Variants in NDUFA8 observed in about 807,000 individuals in gnomAD.
The protein encoded by NDUFA8 is NADH:ubiquinone oxidoreductase subunit A8.
A neutral mutation model predicts 20.9 loss-of-function variants in NDUFA8; 16 were observed. The observed-to-expected ratio is 0.77, with a 90% CI of 0.52 to 1.16. The LOEUF (loss-of-function observed/expected upper bound fraction) is 1.16, where lower values mean the gene tolerates loss of function less well. NDUFA8 is among the 50% of genes most tolerant of loss of function. The pLI is 0.00. For synonymous variants in NDUFA8, 70 were observed against 76.1 expected, an observed-to-expected ratio of 0.92 and a Z score of 0.41; for missense variants, 202 against 216.4, an observed-to-expected ratio of 0.93 and a Z score of 0.42.
At chr9:122,156,722 A>C (rs1331137919) in intron 1 of NDUFA8, among the ~76,000 whole-genome samples, 2 of 152,194 alleles carry the variant, frequency 1.3e-5, no homozygotes, top group African/African-American at 4.8e-5. Context: ...CCACGCTGCA[A>C]ATCTGACTTT....
chr9:122,150,252 T>C (rs1828972312), intron 2 of NDUFA8, among the ~76,000 whole-genome samples: 1 of 151,174 alleles, frequency 6.6e-6, no homozygotes, highest in South Asian at 2.1e-4. Context: ...CTACTAAAAA[T>C]ACAAAAAATT....
At chr9:122,149,956 C>CAA (rs1048614349) in intron 2 of NDUFA8, among the ~76,000 whole-genome samples, 1 of 143,538 alleles carries the variant, frequency 7.0e-6, no homozygotes, top group Admixed American at 6.9e-5. Flanking sequence ...GACTCTGTCT[C>CAA]AAAAAAAAAA....
In NDUFA8 at chr9:122,148,215, C is replaced by T. The variant is rs553031819; in HGVS notation, c.278G>A (p.Gly93Asp). The change falls in exon 3 of 4, where the codon GGC (glycine) becomes GAC (aspartate). Residue 93 changes from glycine to aspartate, a missense_variant. Physicochemically the swap from Gly to Asp is moderately conservative, Grantham distance 94. Coordinates refer to ENST00000373768, the MANE Select transcript of NDUFA8 (RefSeq NM_014222.3). ...GCGACAGTGACGAAATAACTGCTGG[C>T]CAGTATAATCAATGCAAGTCCAATA... is the stretch of plus-strand genomic sequence containing the variant. Reference protein sequence around the residue: ...TEYWTCIDYTGQQLFRHCRKQ... With the variant: ...TEYWTCIDYTDQQLFRHCRKQ... 3.1e-6 allele frequency: 5 copies of T among 1,614,130 alleles called. No homozygotes were observed. The African/African-American group carries it at 4.0e-5, about 13-fold the overall frequency.
chr9:122,141,217 T>C (rs1004548618), downstream of NDUFA8, among the ~76,000 whole-genome samples: 2 of 152,094 alleles, frequency 1.3e-5, no homozygotes, highest in Non-Finnish European at 2.9e-5. Context: ...AGGGCCAGGT[T>C]ATGGAGTGTC....
intron 2 of NDUFA8, 97 bp downstream of exon 2, chr9:122,152,148 A>AC (rs1829009469): frequency 7.4e-7 from 1 of 1,359,066 alleles, no homozygotes; most frequent in Admixed American, 1.7e-5. Flanking sequence ...AAGCCTATGT[A>AC]CTTCCTAATA....
the NDUFA8 span, among the ~76,000 whole-genome samples, chr9:122,136,371 A>G: frequency 6.6e-6 from 1 of 152,188 alleles, no homozygotes; most frequent in Non-Finnish European, 1.5e-5. Flanking sequence ...GAGAGTATGC[A>G]CTTTCCCACT....
At chr9:122,141,930 T>C (rs1363725211), downstream of NDUFA8, among the ~76,000 whole-genome samples, 1 of 152,218 alleles carries the variant, frequency 6.6e-6, no homozygotes, top group Non-Finnish European at 1.5e-5. Flanking sequence ...CAAGAACTGC[T>C]GTCCAACTTG....
At chr9:122,149,996 G>T (rs983643135) in intron 2 of NDUFA8, among the ~76,000 whole-genome samples, 4 of 151,874 alleles carry the variant, frequency 2.6e-5, no homozygotes. Flanking sequence ...CACACACACA[G>T]ACTCAATCTC....
chr9:122,134,227 A>G, the NDUFA8 span, among the ~76,000 whole-genome samples: 5 of 152,170 alleles, frequency 3.3e-5, no homozygotes, highest in Admixed American at 2.6e-4. Context: ...CACCTTTTCC[A>G]AATGCCTACT....
chr9:122,152,907 G>A (rs1829026917), intron 1 of NDUFA8, among the ~76,000 whole-genome samples: 1 of 151,958 alleles, frequency 6.6e-6, no homozygotes, highest in Non-Finnish European at 1.5e-5. Context: ...GAGTCTTCTG[G>A]GATGCAGGGA....
downstream of NDUFA8, among the ~76,000 whole-genome samples, chr9:122,139,100 C>T (rs1828784333): frequency 2.0e-5 from 3 of 152,228 alleles, no homozygotes; most frequent in Admixed American, 2.0e-4. Context: ...TATAGATAGG[C>T]TGTGACCTGC....
In NDUFA8 at chr9:122,148,310, T is replaced by C. The variant is rs749318094; in HGVS notation, c.216-33A>G. ...AGAAAGCTGGGTTAGGGGCATCTCT[T>C]TGCAAAACAATGAAAAACAGAAAAG... On this transcript the variant is annotated intron_variant, in intron 2 of 3. Transcript: ENST00000373768. 4.3e-6 allele frequency: 7 copies of C among 1,612,406 alleles called. No homozygotes were observed. In the East Asian group the frequency reaches 1.6e-4, roughly 36 times the overall value.
At position 122,159,751 on chromosome 9, in the gene NDUFA8, C is replaced by T; in HGVS notation, c.-74G>A. On this transcript the variant is annotated 5_prime_UTR_variant, in exon 1 of 4. Coordinates refer to ENST00000373768, the MANE Select transcript of NDUFA8 (RefSeq NM_014222.3). The stretch of plus-strand genomic sequence containing the variant: ...CCGTCTCCTTGAACTCCCCTTTCGA[C>T]CGCCGAGTGCCACACGGCGCCTGCG... 1.9e-6 allele frequency: 3 copies of T among 1,604,296 alleles called. No individual in the cohort carries two copies. Among genetic ancestry groups the T allele is most frequent in the South Asian group, 1.1e-5 (1 of 90,926 alleles).
chr9:122,147,829 T>C (rs1004151326), intron 3 of NDUFA8, among the ~76,000 whole-genome samples: 1 of 152,068 alleles, frequency 6.6e-6, no homozygotes, highest in Non-Finnish European at 1.5e-5. Context: ...GGTTTTACCA[T>C]GTTAGCGAGG....
downstream of NDUFA8, among the ~76,000 whole-genome samples, chr9:122,140,135 T>C (rs1272768275): frequency 6.6e-6 from 1 of 152,230 alleles, no homozygotes. Context: ...TCATTTTGTT[T>C]CCCAGATCTA....
rs190285455 is a variant in NDUFA8, at chr9:122,148,039, C to A, written c.381+73G>T. 7.6e-6 allele frequency: 12 copies of A among 1,580,164 alleles called. No individual in the cohort carries two copies. The Admixed American group carries it at 2.0e-4, about 26-fold the overall frequency. On this transcript the variant is annotated intron_variant, in intron 3 of 3. Transcript: ENST00000373768. ...CATCATATCTGTATTTACAGAGACC[C>A]TTTGCTGACCACCTCCTGCCTTTAT...
At chr9:122,144,749 C>A (rs1333316036) in intron 3 of NDUFA8, among the ~76,000 whole-genome samples, 2 of 152,112 alleles carry the variant, frequency 1.3e-5, no homozygotes, top group African/African-American at 2.4e-5. Flanking sequence ...GCACATCTAA[C>A]CCATCCTGAA....
At chr9:122,133,541 A>C in the NDUFA8 span, among the ~76,000 whole-genome samples, 90 of 152,228 alleles carry the variant, frequency 5.9e-4, no homozygotes, top group Non-Finnish European at 1.0e-3. Context: ...GGATTCTAGG[A>C]GGCAGAGCCT....
At chr9:122,137,533 G>T in the NDUFA8 span, among the ~76,000 whole-genome samples, 2 of 152,116 alleles carry the variant, frequency 1.3e-5, no homozygotes, top group Non-Finnish European at 2.9e-5. Flanking sequence ...GAGCCACCGC[G>T]CCTAGCCACA....
Sources: gnomAD v4.1 joint callset for allele counts (sites outside exome capture counted in the v4.1 genomes callset) on GRCh38, gnomAD v4.1.1 for gene constraint, MANE v1.5 for transcripts, NCBI Gene and HGNC (gene_info 2026-07-23, HGNC 2026-07-21) for gene names.